The following TMPRSS11D variants were observed in gnomAD, a reference collection of about 807,000 sequenced individuals.
TMPRSS11D encodes transmembrane protease serine 11D.
A neutral mutation model predicts 44.4 loss-of-function variants in TMPRSS11D; 32 were observed. That is an observed-to-expected ratio of 0.72 (90% CI 0.54 to 0.97). The LOEUF (loss-of-function observed/expected upper bound fraction) is 0.97. Ranked by LOEUF, TMPRSS11D falls within the 50% of genes least tolerant of loss-of-function variation. The pLI is 0.00. For synonymous variants in TMPRSS11D, 179 were observed against 177.9 expected (o/e 1.01, Z -0.05); for missense variants, 446 against 502.6 (o/e 0.89, Z 1.08).
At chr4:67,850,143 A>G (rs1718466049) in intron 3 of TMPRSS11D, among the ~76,000 whole-genome samples, 1 of 152,206 alleles carries the variant, frequency 6.6e-6, no homozygotes, top group African/African-American at 2.4e-5. Flanking sequence ...ACTTACAGAA[A>G]GAGATTAGAG....
intron 1 of TMPRSS11D, among the ~76,000 whole-genome samples, chr4:67,868,291 C>T (rs1718973403): frequency 6.6e-6 from 1 of 151,990 alleles, no homozygotes; most frequent in South Asian, 2.1e-4. Context: ...ATAATGGAGA[C>T]ATGAAAGAGT....
chr4:67,838,844 C>T (rs558916093), intron 4 of TMPRSS11D, among the ~76,000 whole-genome samples: 142 of 152,026 alleles, frequency 9.3e-4, no homozygotes, highest in Non-Finnish European at 1.9e-3. Context: ...TTTTTGATAC[C>T]TAGACCATTC....
chr4:67,873,519 G>A (rs1034571175), intron 1 of TMPRSS11D, among the ~76,000 whole-genome samples: 5 of 152,162 alleles, frequency 3.3e-5, no homozygotes, highest in Non-Finnish European at 5.9e-5. Context: ...ATCATTAAAT[G>A]CACAGGTTAA....
chr4:67,859,741 G>T (rs957274417), intron 1 of TMPRSS11D, 63 bp from the exon 2 acceptor site: 1 of 1,587,362 alleles, frequency 6.3e-7, no homozygotes, highest in Non-Finnish European at 8.6e-7. Context: ...TCATTTTAGT[G>T]TTCATGATTG....
intron 1 of TMPRSS11D, among the ~76,000 whole-genome samples, chr4:67,866,696 C>A (rs1041734747): frequency 1.3e-5 from 2 of 151,550 alleles, no homozygotes; most frequent in African/African-American, 4.8e-5. Flanking sequence ...TCAATAATGA[C>A]CAAGCTGAGA....
intron 1 of TMPRSS11D, among the ~76,000 whole-genome samples, chr4:67,882,926 A>G (rs1424524377): frequency 1.3e-5 from 2 of 151,994 alleles, no homozygotes; most frequent in African/African-American, 4.8e-5. Context: ...TTTTTAAGCT[A>G]CTTTAATACA....
intron 1 of TMPRSS11D, among the ~76,000 whole-genome samples, chr4:67,866,072 T>C (rs1718917949): frequency 6.6e-6 from 1 of 151,870 alleles, no homozygotes; most frequent in Non-Finnish European, 1.5e-5. Flanking sequence ...TCAAAATCCT[T>C]GATGAACACT....
chr4:67,842,495 A>T, intron 4 of TMPRSS11D, 63 bp downstream of exon 4: 1 of 1,354,028 alleles, frequency 7.4e-7, no homozygotes, highest in East Asian at 2.3e-5. Flanking sequence ...TCATTCTGTG[A>T]CAAAAAGTCA....
chr4:67,851,022 C>A (rs1718495258), intron 3 of TMPRSS11D, among the ~76,000 whole-genome samples: 1 of 152,126 alleles, frequency 6.6e-6, no homozygotes, highest in African/African-American at 2.4e-5. Context: ...CAAACCAGGC[C>A]TTTGACTACC....
intron 1 of TMPRSS11D, among the ~76,000 whole-genome samples, chr4:67,869,917 T>C (rs536791459): frequency 6.6e-6 from 1 of 152,330 alleles, no homozygotes; most frequent in East Asian, 1.9e-4. Context: ...CCCTTATTCT[T>C]ATTTGCTATT....
intron 3 of TMPRSS11D, among the ~76,000 whole-genome samples, chr4:67,845,283 ACT>A (rs1321685132): frequency 6.6e-6 from 1 of 152,200 alleles, no homozygotes; most frequent in African/African-American, 2.4e-5. Context: ...GTTACTACCA[ACT>A]CTCATTAGAA....
intron 1 of TMPRSS11D, among the ~76,000 whole-genome samples, chr4:67,869,739 T>G (rs1719011132): frequency 6.6e-6 from 1 of 152,212 alleles, no homozygotes; most frequent in South Asian, 2.1e-4. Context: ...TGCTGGCTGC[T>G]TGGGTGTGTG....
intron 3 of TMPRSS11D, among the ~76,000 whole-genome samples, chr4:67,849,800 C>T (rs1327320791): frequency 2.0e-5 from 3 of 152,132 alleles, no homozygotes. Flanking sequence ...CTCATATTAT[C>T]ATGAGAAATG....
At chr4:67,880,060 T>G (rs1412712347) in intron 1 of TMPRSS11D, among the ~76,000 whole-genome samples, 1 of 152,212 alleles carries the variant, frequency 6.6e-6, no homozygotes, top group Non-Finnish European at 1.5e-5. Context: ...ACCATAAGTT[T>G]TTTAGGAATA....
In TMPRSS11D at chr4:67,859,633, T is replaced by G. The variant is rs149519185; in HGVS notation, c.54A>C (p.Val18=). ...TSTSRFLNPY[V]VCFIVVAGVV... ...CCCCTGCGACGACAATGAAACATAC[T>G]ACATATGGATTCAGAAATCTTGAAG... The change falls in exon 2 of 10, where the codon GTA becomes GTC. Residue 18 remains valine, a synonymous_variant. Coordinates refer to ENST00000283916, the MANE Select transcript of TMPRSS11D (RefSeq NM_004262.3). The G allele has an allele frequency of 6.2e-7, 1 of 1,613,150 alleles. No individual in the cohort carries two copies. Among genetic ancestry groups the G allele is most frequent in the Admixed American group, 1.7e-5 (1 of 59,904 alleles).
chr4:67,870,748 A>AG (rs36007891), intron 1 of TMPRSS11D, among the ~76,000 whole-genome samples: 102,430 of 149,604 alleles, frequency 0.68, 35,617 homozygotes, highest in Non-Finnish European at 0.76. Context: ...CGGGAGGCGG[A>AG]GCTTGCAGTG....
At chr4:67,877,515 C>T (rs1203490010) in intron 1 of TMPRSS11D, among the ~76,000 whole-genome samples, 2 of 152,166 alleles carry the variant, frequency 1.3e-5, no homozygotes, top group Non-Finnish European at 2.9e-5. Flanking sequence ...ACTACAATAT[C>T]CAGCTGTATC....
At chr4:67,846,437 C>G (rs1434354903) in intron 3 of TMPRSS11D, among the ~76,000 whole-genome samples, 2 of 151,920 alleles carry the variant, frequency 1.3e-5, no homozygotes, top group Admixed American at 1.3e-4. Context: ...TGAACATTGT[C>G]ATAAAATGGT....
intron 7 of TMPRSS11D, among the ~76,000 whole-genome samples, chr4:67,827,969 G>A (rs1717845374): frequency 6.6e-6 from 1 of 151,774 alleles, no homozygotes; most frequent in African/African-American, 2.4e-5. Context: ...ATGATAAGGG[G>A]CATTCTTATC....
Sources: gnomAD v4.1 joint callset for allele counts (sites outside exome capture counted in the v4.1 genomes callset) on GRCh38, gnomAD v4.1.1 for gene constraint, MANE v1.5 for transcripts, NCBI Gene and HGNC (gene_info 2026-07-23, HGNC 2026-07-21) for gene names.